Variants in ESCO1 observed in about 807,000 individuals in gnomAD.
ESCO1 encodes the protein N-acetyltransferase ESCO1.
In ESCO1, 33 loss-of-function variants were observed where a neutral mutation model predicts 83.5. That is an observed-to-expected ratio of 0.40 (90% confidence interval 0.30 to 0.53). The LOEUF (loss-of-function observed/expected upper bound fraction) is 0.53. ESCO1 is among the 20% of genes least tolerant of loss of function. The pLI is 0.63. For synonymous variants in ESCO1, 332 were observed against 324.3 expected (o/e 1.02, Z -0.25); for missense variants, 855 against 968.0 (o/e 0.88, Z 1.55).
chr18:21,597,483 G>A (rs1235608061), intron 1 of ESCO1, among the ~76,000 whole-genome samples: 1 of 149,660 alleles, frequency 6.7e-6, no homozygotes, highest in Non-Finnish European at 1.5e-5. Context: ...AACACAGTGA[G>A]CCACTGTTAC....
intron 8 of ESCO1, among the ~76,000 whole-genome samples, chr18:21,560,216 G>A (rs1469137261): frequency 6.6e-6 from 1 of 151,528 alleles, no homozygotes; most frequent in East Asian, 1.9e-4. Flanking sequence ...GTTCAATATT[G>A]CTAAAAAAAT....
In ESCO1 at chr18:21,530,110, A is replaced by G. The variant is rs1339565529; in HGVS notation, c.*233T>C. ...TGTAAACATGTCTAAATAACTATAG[A>G]TAAAATACATCAATCATAAATTTCT... On this transcript the variant is annotated 3_prime_UTR_variant, in exon 12 of 12. Coordinates refer to ENST00000269214, the MANE Select transcript of ESCO1 (RefSeq NM_052911.3). 3 of 362,244 alleles carry G rather than the reference A, an allele frequency of 8.3e-6. No individual in the cohort carries two copies. The highest frequency in any genetic ancestry group is 1.5e-5 in the Non-Finnish European group (3 of 203,786). 22.4% of individuals were successfully genotyped at this position (362,244 alleles called of 1,614,324 possible).
In ESCO1 at chr18:21,574,467, T is replaced by C; in HGVS notation, c.377A>G (p.Gln126Arg). Residue 126 changes from glutamine (Q) to arginine (R), a missense_variant, in exon 4 of 12, where the codon CAA (glutamine) becomes CGA (arginine). Coordinates refer to ENST00000269214, the MANE Select transcript of ESCO1 (RefSeq NM_052911.3). ...CCTTCTTGAAACCTCTGTTAATTGT[T>C]GTAGCCTTTGTGATCTCCGGTTAAG... The part of the protein sequence containing the change: ...EQLNRRSQRL[Q>R]QLTEVSRRSL... 1 of 1,614,158 alleles carries C rather than the reference T, an allele frequency of 6.2e-7. No individual in the cohort carries two copies. The highest frequency in any genetic ancestry group is 8.5e-7 in the Non-Finnish European group (1 of 1,180,022).
chr18:21,579,266 T>C (rs1382912529), intron 2 of ESCO1, among the ~76,000 whole-genome samples: 1 of 151,802 alleles, frequency 6.6e-6, no homozygotes, highest in African/African-American at 2.4e-5. Context: ...AGTGCTAGGA[T>C]TATAGGCATG....
At chr18:21,586,842 G>A (rs2038588716) in intron 1 of ESCO1, among the ~76,000 whole-genome samples, 1 of 152,162 alleles carries the variant, frequency 6.6e-6, no homozygotes, top group South Asian at 2.1e-4. Flanking sequence ...TTATTCCTAA[G>A]TTTAGGGGGA....
chr18:21,584,325 T>C lies in ESCO1; in HGVS notation c.-709A>G, dbSNP rs2038543713. On this transcript the variant is annotated 5_prime_UTR_variant, in exon 2 of 12. In the 5' UTR this introduces an upstream ATG that the reference lacks. Transcript: ENST00000269214. ...TGCCACTTACCTTAAAGAAATAATA[T>C]ATCACCTTTTTCTTCAAGTTGATTG... The C allele has an allele frequency of 6.6e-6, 1 of 152,042 alleles. No individual in the cohort carries two copies. Among genetic ancestry groups the C allele is most frequent in the Admixed American group, 6.6e-5 (1 of 15,250 alleles). The allele number at this position is 152,042 out of a possible 1,614,324, so 9.4% of individuals were successfully genotyped here.
chr18:21,571,005 T>C (rs2038333301), intron 4 of ESCO1, among the ~76,000 whole-genome samples: 1 of 151,962 alleles, frequency 6.6e-6, no homozygotes, highest in African/African-American at 2.4e-5. Flanking sequence ...GCAGTCTTCA[T>C]CTACACCTGT....
chr18:21,599,172 A>G (rs1352149010), intron 1 of ESCO1, among the ~76,000 whole-genome samples: 1 of 152,192 alleles, frequency 6.6e-6, no homozygotes, highest in Non-Finnish European at 1.5e-5. Context: ...CGCCGTCTCA[A>G]CAACAAATAG....
chr18:21,594,777 A>G (rs1326239701), intron 1 of ESCO1, among the ~76,000 whole-genome samples: 10 of 152,194 alleles, frequency 6.6e-5, no homozygotes, highest in African/African-American at 2.4e-4. Context: ...GTGTCTTGTG[A>G]TAACAACAAA....
chr18:21,538,465 T>A (rs1449679339), intron 9 of ESCO1, among the ~76,000 whole-genome samples: 1 of 152,180 alleles, frequency 6.6e-6, no homozygotes, highest in Admixed American at 6.6e-5. Flanking sequence ...AGGTTGGGCA[T>A]GTTTACATGT....
chr18:21,550,940 G>A (rs181073316), intron 8 of ESCO1, among the ~76,000 whole-genome samples: 258 of 151,536 alleles, frequency 1.7e-3, no homozygotes, highest in African/African-American at 5.7e-3. Context: ...GTGAAACCCC[G>A]CCTCTACTAA....
At chr18:21,590,571 T>C (rs956131126) in intron 1 of ESCO1, among the ~76,000 whole-genome samples, 2 of 152,134 alleles carry the variant, frequency 1.3e-5, no homozygotes, top group Non-Finnish European at 2.9e-5. Flanking sequence ...CTCTTCACAA[T>C]ACAAATTTTA....
At chr18:21,538,642 A>G (rs1402602638) in intron 9 of ESCO1, among the ~76,000 whole-genome samples, 1 of 152,228 alleles carries the variant, frequency 6.6e-6, no homozygotes, top group Admixed American at 6.5e-5. Context: ...TAACAGGCGC[A>G]AAGTATTTTC....
chr18:21,558,293 T>C (rs756985208), intron 8 of ESCO1, among the ~76,000 whole-genome samples: 3 of 152,212 alleles, frequency 2.0e-5, no homozygotes, highest in Non-Finnish European at 2.9e-5. Context: ...AAAAATTTTC[T>C]TACTGTATTT....
intron 11 of ESCO1, among the ~76,000 whole-genome samples, chr18:21,530,916 A>G (rs2037759397): frequency 6.6e-6 from 1 of 152,216 alleles, no homozygotes; most frequent in Non-Finnish European, 1.5e-5. Context: ...AATAAAAATC[A>G]TCCAGATTGG....
At chr18:21,592,462 T>C (rs1598481278) in intron 1 of ESCO1, among the ~76,000 whole-genome samples, 1 of 139,782 alleles carries the variant, frequency 7.2e-6, no homozygotes, top group Non-Finnish European at 1.5e-5. Flanking sequence ...ATGGGGCGGC[T>C]GGCCGGGCAG....
At chr18:21,568,813 G>A (rs1449482118) in intron 4 of ESCO1, among the ~76,000 whole-genome samples, 1 of 150,190 alleles carries the variant, frequency 6.7e-6, no homozygotes, top group South Asian at 2.2e-4. Context: ...TGAGGCAGGA[G>A]AATCACTTAA....
intron 1 of ESCO1, among the ~76,000 whole-genome samples, chr18:21,591,611 A>G (rs1418404646): frequency 6.6e-6 from 1 of 151,050 alleles, no homozygotes; most frequent in Non-Finnish European, 1.5e-5. Flanking sequence ...TTCTTCTCCA[A>G]TCACACTGTT....
chr18:21,597,052 T>C (rs2038777596), intron 1 of ESCO1: 1 of 152,154 alleles, frequency 6.6e-6, no homozygotes, highest in Non-Finnish European at 1.5e-5. Flanking sequence ...AACAGACCAA[T>C]GAATTCTAAT....
Sources: allele counts gnomAD v4.1 joint callset (sites outside exome capture counted in the v4.1 genomes callset), GRCh38; gene constraint gnomAD v4.1.1; transcripts MANE v1.5; gene names NCBI Gene and HGNC (gene_info 2026-07-23, HGNC 2026-07-21).